PDE1C: variants seen among roughly 807,000 people sequenced by gnomAD.
PDE1C encodes dual specificity calcium/calmodulin-dependent 3',5'-cyclic nucleotide phosphodiesterase 1C.
In PDE1C, 62 loss-of-function variants were observed where a neutral mutation model predicts 93.1. That is an observed-to-expected ratio of 0.67 (90% confidence interval 0.54 to 0.82). The LOEUF (loss-of-function observed/expected upper bound fraction) is 0.82, where lower values mean the gene tolerates loss of function less well. PDE1C is among the 40% of genes least tolerant of loss of function. The pLI is 0.00. For missense variants in PDE1C, 742 were observed against 884.6 expected (o/e 0.84, Z 2.04); for synonymous variants, 325 against 310.1 (o/e 1.05, Z -0.50).
intron 2 of PDE1C, among the ~76,000 whole-genome samples, chr7:32,022,356 G>A (rs957324184): frequency 2.0e-5 from 3 of 152,030 alleles, no homozygotes; most frequent in African/African-American, 7.2e-5. Flanking sequence ...GAGGAAATCC[G>A]AAGAGAGGTA....
intron 1 of PDE1C, among the ~76,000 whole-genome samples, chr7:32,426,601 C>T (rs1048564043): frequency 6.6e-6 from 1 of 152,080 alleles, no homozygotes; most frequent in Non-Finnish European, 1.5e-5. Flanking sequence ...ATGTAAGTAG[C>T]CCACCCAAGG....
chr7:32,293,214 T>C (rs1258988214), intron 1 of PDE1C, among the ~76,000 whole-genome samples: 1 of 152,178 alleles, frequency 6.6e-6, no homozygotes, highest in Non-Finnish European at 1.5e-5. Context: ...CACCTCCATT[T>C]ATTCAGAGAA....
the PDE1C span, among the ~76,000 whole-genome samples, chr7:31,673,712 GTT>G: frequency 0.2 from 29,623 of 148,846 alleles, 3,452 homozygotes; most frequent in East Asian, 0.42. Context: ...GTAGAAACTA[GTT>G]TTTTTTTTTT....
chr7:31,704,466 TATAG>T, the PDE1C span, among the ~76,000 whole-genome samples: 1 of 152,160 alleles, frequency 6.6e-6, no homozygotes, highest in Non-Finnish European at 1.5e-5. Flanking sequence ...AACTCTTCTG[TATAG>T]AGAGAGGACG....
chr7:31,909,859 C>T (rs991780631), intron 2 of PDE1C, among the ~76,000 whole-genome samples: 2 of 152,090 alleles, frequency 1.3e-5, no homozygotes, highest in African/African-American at 4.8e-5. Flanking sequence ...GGAGTTTCCG[C>T]AAATTGGCAC....
chr7:32,424,873 G>A (rs1396974783), intron 1 of PDE1C, among the ~76,000 whole-genome samples: 3 of 151,890 alleles, frequency 2.0e-5, no homozygotes, highest in South Asian at 2.1e-4. Flanking sequence ...GTTAACAAAC[G>A]GAAAATAAGC....
At chr7:31,935,053 T>A (rs1319043347) in intron 2 of PDE1C, among the ~76,000 whole-genome samples, 1 of 119,920 alleles carries the variant, frequency 8.3e-6, no homozygotes, top group African/African-American at 2.5e-5. Flanking sequence ...TAACAAATTG[T>A]TTTTATCTTA....
chr7:31,729,420 C>T, the PDE1C span, among the ~76,000 whole-genome samples: 1 of 152,158 alleles, frequency 6.6e-6, no homozygotes, highest in African/African-American at 2.4e-5. Context: ...TTACTGAGGA[C>T]CCAGTGAGAG....
intron 9 of PDE1C, 102 bp downstream of exon 9, chr7:31,847,866 C>G: frequency 8.1e-7 from 1 of 1,238,806 alleles, no homozygotes; most frequent in Non-Finnish European, 1.2e-6. Context: ...CAACACGAAT[C>G]AACATTTTAA....
intron 2 of PDE1C, among the ~76,000 whole-genome samples, chr7:31,924,742 GC>G (rs1209987908): frequency 1.3e-5 from 2 of 152,216 alleles, no homozygotes; most frequent in Non-Finnish European, 2.9e-5. Context: ...CTGTTCTGCT[GC>G]TGGAACCAAC....
chr7:32,007,122 C>G (rs1052667155), intron 2 of PDE1C, among the ~76,000 whole-genome samples: 3 of 152,150 alleles, frequency 2.0e-5, no homozygotes, highest in East Asian at 1.9e-4. Context: ...CATCAGCAAC[C>G]TATTTTTTAT....
At chr7:32,372,317 G>C (rs1332371470) in intron 1 of PDE1C, among the ~76,000 whole-genome samples, 1 of 152,096 alleles carries the variant, frequency 6.6e-6, no homozygotes, top group Non-Finnish European at 1.5e-5. Flanking sequence ...GCCTCCCAAA[G>C]TGTTGGAATT....
chr7:32,380,864 T>C (rs572058422), intron 1 of PDE1C, among the ~76,000 whole-genome samples: 229 of 152,088 alleles, frequency 1.5e-3, no homozygotes, highest in African/African-American at 5.2e-3. Context: ...GGTCTTTTTT[T>C]CTCTATTTGT....
chr7:32,157,760 A>C (rs1478465460), intron 3 of PDE1C, among the ~76,000 whole-genome samples: 1 of 152,228 alleles, frequency 6.6e-6, no homozygotes, highest in Non-Finnish European at 1.5e-5. Flanking sequence ...GGAAAAATGG[A>C]TAGATAGATG....
At chr7:31,658,931 C>T in the PDE1C span, among the ~76,000 whole-genome samples, 2 of 152,160 alleles carry the variant, frequency 1.3e-5, no homozygotes, top group East Asian at 3.8e-4. Flanking sequence ...CTTATTCATT[C>T]ATCAGGAAAA....
At chr7:32,393,072 A>AAT (rs1784780455) in intron 1 of PDE1C, among the ~76,000 whole-genome samples, 2 of 148,084 alleles carry the variant, frequency 1.4e-5, no homozygotes, top group Non-Finnish European at 3.0e-5. Flanking sequence ...AAAAAAAAAA[A>AAT]GCACACATAT....
chr7:32,421,619 A>G lies in PDE1C; in HGVS notation c.310+6203T>C, dbSNP rs988151785. ...TTCCAGAGCCTCCTTCTCTGACACC[A>G]GGCTGCCTGGAAGAATTAATCATGG... On this transcript the variant is annotated intron_variant, in intron 1 of 1. Coordinates refer to the PDE1C transcript ENST00000672256. Among the ~76,000 whole-genome samples, 7 of 152,188 alleles carry G rather than the reference A, an allele frequency of 4.6e-5. No homozygotes were observed. In the East Asian group the frequency reaches 1.4e-3, roughly 29 times the overall value.
At chr7:31,770,774 T>A (rs1215857678) in intron 17 of PDE1C, among the ~76,000 whole-genome samples, 1 of 152,176 alleles carries the variant, frequency 6.6e-6, no homozygotes, top group African/African-American at 2.4e-5. Flanking sequence ...CCTCCAAAAG[T>A]GCATGAGCCA....
intron 15 of PDE1C, 112 bp from the exon 16 acceptor site, chr7:31,809,220 A>G: frequency 1.5e-6 from 1 of 647,076 alleles, no homozygotes; most frequent in South Asian, 1.8e-5. Context: ...TATAGTCATA[A>G]GAGTGTATGT....
Sources: gnomAD v4.1 joint callset for allele counts (sites outside exome capture counted in the v4.1 genomes callset) on GRCh38, gnomAD v4.1.1 for gene constraint, MANE v1.5 for transcripts, NCBI Gene and HGNC (gene_info 2026-07-23, HGNC 2026-07-21) for gene names.